The following NELL1 variants were observed in gnomAD, a reference collection of about 807,000 sequenced individuals.
The protein encoded by NELL1 is protein kinase C-binding protein NELL1.
NELL1 carries 76 observed loss-of-function variants against 107.4 expected under a neutral mutation model. The ratio of observed to expected loss-of-function variants is 0.71; its 90% CI spans 0.59 to 0.86. The LOEUF (loss-of-function observed/expected upper bound fraction) is 0.86, where lower values mean the gene tolerates loss of function less well. Ranked by LOEUF, NELL1 falls within the 40% of genes least tolerant of loss-of-function variation. The pLI, the probability that NELL1 is intolerant of heterozygous loss-of-function variation, is 0.00. For missense variants in NELL1, 1,024 were observed against 1,005.5 expected (o/e 1.02, Z -0.25); for synonymous variants, 353 against 341.2 (o/e 1.03, Z -0.38).
intron 13 of NELL1, among the ~76,000 whole-genome samples, chr11:21,135,009 G>A (rs1322181962): frequency 1.3e-5 from 2 of 152,138 alleles, no homozygotes; most frequent in African/African-American, 4.8e-5. Flanking sequence ...TAATAGGTGT[G>A]CAAAACATGC....
chr11:21,564,978 G>A (rs758601417), intron 17 of NELL1, among the ~76,000 whole-genome samples: 1 of 151,904 alleles, frequency 6.6e-6, no homozygotes, highest in Non-Finnish European at 1.5e-5. Flanking sequence ...GGAGCAGTCA[G>A]CATACTGGTT....
chr11:20,927,584 G>A, intron 8 of NELL1, 142 bp downstream of exon 8: 1 of 702,108 alleles, frequency 1.4e-6, no homozygotes, highest in Non-Finnish European at 2.3e-6. Context: ...AGCCATACGA[G>A]CAATTGTGAA....
chr11:20,917,628 T>C (rs943431298), intron 5 of NELL1, among the ~76,000 whole-genome samples: 2 of 151,952 alleles, frequency 1.3e-5, no homozygotes, highest in African/African-American at 4.8e-5. Flanking sequence ...TTTCTTAAAT[T>C]TGAGCTATTC....
At chr11:21,360,533 T>A (rs1000221285) in intron 14 of NELL1, among the ~76,000 whole-genome samples, 6 of 152,120 alleles carry the variant, frequency 3.9e-5, no homozygotes, top group African/African-American at 1.4e-4. Flanking sequence ...TTTAAGTCTA[T>A]TTTTTCTTTG....
At chr11:20,951,654 C>A (rs1405335779) in intron 11 of NELL1, among the ~76,000 whole-genome samples, 1 of 151,952 alleles carries the variant, frequency 6.6e-6, no homozygotes, top group Non-Finnish European at 1.5e-5. Flanking sequence ...GCTGGGACAC[C>A]CATAGGAGAA....
At chr11:21,200,466 C>A (rs1172342017) in intron 13 of NELL1, among the ~76,000 whole-genome samples, 2 of 151,908 alleles carry the variant, frequency 1.3e-5, no homozygotes, top group African/African-American at 2.4e-5. Context: ...CTGTTCATAT[C>A]CTTCGCTCAC....
chr11:21,060,060 G>C (rs1197517591), intron 12 of NELL1, among the ~76,000 whole-genome samples: 1 of 152,148 alleles, frequency 6.6e-6, no homozygotes, highest in African/African-American at 2.4e-5. Context: ...CATGGGGTTA[G>C]GCACATTAAT....
chr11:20,766,770 C>T (rs1047907363), intron 2 of NELL1, among the ~76,000 whole-genome samples: 10 of 150,402 alleles, frequency 6.6e-5, no homozygotes, highest in African/African-American at 2.5e-4. Flanking sequence ...TCAGACAGAG[C>T]CTCATTCTGT....
chr11:20,794,793 A>C (rs1857139304), intron 3 of NELL1, among the ~76,000 whole-genome samples: 1 of 152,142 alleles, frequency 6.6e-6, no homozygotes, highest in African/African-American at 2.4e-5. Context: ...CACCACCCCC[A>C]GTTCGGTGAT....
chr11:21,067,404 T>C (rs1278188087), intron 12 of NELL1, among the ~76,000 whole-genome samples: 1 of 152,120 alleles, frequency 6.6e-6, no homozygotes, highest in Non-Finnish European at 1.5e-5. Flanking sequence ...TTCAAAAATC[T>C]CACTGGCCCA....
At chr11:20,909,237 T>C (rs778626596) in intron 5 of NELL1, among the ~76,000 whole-genome samples, 4 of 152,226 alleles carry the variant, frequency 2.6e-5, no homozygotes, top group Non-Finnish European at 5.9e-5. Context: ...TAGAAAAGTT[T>C]GATTAATAGT....
intron 2 of NELL1, among the ~76,000 whole-genome samples, chr11:20,769,863 C>A (rs1012003005): frequency 3.3e-5 from 5 of 152,152 alleles, no homozygotes; most frequent in African/African-American, 4.8e-5. Context: ...GATGAACTTA[C>A]AACTACTCTT....
intron 2 of NELL1, 60 bp from the exon 3 acceptor site, chr11:20,783,620 A>T: frequency 8.2e-7 from 1 of 1,220,784 alleles, no homozygotes. Context: ...TTTCTTCTCT[A>T]CTCCTTCTCC....
chr11:21,436,148 G>A (rs555252177), intron 15 of NELL1, among the ~76,000 whole-genome samples: 3 of 151,934 alleles, frequency 2.0e-5, no homozygotes, highest in African/African-American at 4.8e-5. Flanking sequence ...CCTCTGCCTC[G>A]GGTTCAAGTG....
In NELL1 at chr11:20,942,293, G is replaced by A. The variant is rs539019327; in HGVS notation, c.1071+4434G>A. Among the ~76,000 whole-genome samples, 152 of 152,292 alleles carry A rather than the reference G, an allele frequency of 1.0e-3. 1 individual carries two copies. Among genetic ancestry groups the A allele is most frequent in the African/African-American group, 3.5e-3 (145 of 41,560 alleles). ...CATTCTTGCCCTCTTGGCTGCTGCT[G>A]GGAATGCCAGAGATTCCATGAGTCC... is the stretch of plus-strand genomic sequence containing the variant. On this transcript the variant is annotated intron_variant, in intron 10 of 19. Coordinates refer to ENST00000357134, the MANE Select transcript of NELL1 (RefSeq NM_006157.5).
chr11:20,798,036 A>G (rs76671396), intron 3 of NELL1, among the ~76,000 whole-genome samples: 5,132 of 152,278 alleles, frequency 0.034, 287 homozygotes, highest in African/African-American at 0.12. Flanking sequence ...GGATTCTGAG[A>G]TTCCATCATT....
chr11:20,864,826 G>C (rs1207736956), intron 4 of NELL1, among the ~76,000 whole-genome samples: 4 of 152,148 alleles, frequency 2.6e-5, no homozygotes, highest in African/African-American at 9.7e-5. Flanking sequence ...CCAATCCCTA[G>C]ATTTTGATAC....
chr11:20,674,077 G>A (rs961172148), intron 1 of NELL1, among the ~76,000 whole-genome samples: 2 of 152,100 alleles, frequency 1.3e-5, no homozygotes, highest in Non-Finnish European at 2.9e-5. Context: ...TTTTTATGAG[G>A]TGTTTTCATA....
intron 12 of NELL1, among the ~76,000 whole-genome samples, chr11:20,994,829 TA>T (rs1488708106): frequency 2.6e-5 from 4 of 152,254 alleles, no homozygotes; most frequent in Non-Finnish European, 4.4e-5. Flanking sequence ...TTTTAATTTC[TA>T]ATAAGGTAAC....
Sources: allele counts gnomAD v4.1 joint callset (sites outside exome capture counted in the v4.1 genomes callset), GRCh38; gene constraint gnomAD v4.1.1; transcripts MANE v1.5; gene names NCBI Gene and HGNC (gene_info 2026-07-23, HGNC 2026-07-21).